CEP85: variants seen among roughly 807,000 people sequenced by gnomAD.
CEP85 encodes centrosomal protein of 85 kDa.
In CEP85, 58 loss-of-function variants were observed where a neutral mutation model predicts 93.7. The ratio of observed to expected loss-of-function variants is 0.62; its 90% CI spans 0.50 to 0.77. The LOEUF (loss-of-function observed/expected upper bound fraction) is 0.77. Ranked by LOEUF, CEP85 falls within the 30% of genes least tolerant of loss-of-function variation. The pLI is 0.00. For synonymous variants in CEP85, 314 were observed against 338.6 expected, an observed-to-expected ratio of 0.93 and a Z score of 0.80; for missense variants, 868 against 922.0, an observed-to-expected ratio of 0.94 and a Z score of 0.76.
At position 26,276,318 on chromosome 1, in the gene CEP85, A is replaced by C. The variant is rs868669815; in HGVS notation, c.1903-217A>C. On this transcript the variant is annotated intron_variant, in intron 12 of 13. Transcript: ENST00000451429. ...CCAGTTGAGGGTTGGCTTCCTCTCC[A>C]GTGCTAGAGCCCTGTGGGCCCAACC... 7.9e-5 allele frequency among the ~76,000 whole-genome samples: 12 copies of C among 152,208 alleles called. No individual in the cohort carries two copies. The South Asian group carries it at 1.4e-3, about 18-fold the overall frequency.
intron 12 of CEP85, 113 bp from the exon 13 acceptor site, chr1:26,276,422 A>G: frequency 1.3e-6 from 1 of 780,416 alleles, no homozygotes; most frequent in Non-Finnish European, 2.2e-6. Context: ...GGGTTGGGGA[A>G]GGAGGGACAC....
chr1:26,271,103 A>G lies in CEP85; in HGVS notation c.1739A>G (p.Gln580Arg). The change falls in exon 10 of 14, where the codon CAA becomes CGA. Residue 580 changes from glutamine (Q) to arginine (R), a missense_variant. Physicochemically the swap from Gln to Arg is conservative, Grantham distance 43 (BLOSUM62 1). Transcript: ENST00000451429. ...ESWQKRYDSL[Q>R]KIVEKQQQKM... ...TGGCAGAAGCGATACGATTCGCTCC[A>G]AAAGGTGACTGAGGGTGTCCAGGCT... is the stretch of plus-strand genomic sequence containing the variant. 6.2e-7 allele frequency: 1 copy of G among 1,603,628 alleles called. No homozygotes were observed. The highest frequency in any genetic ancestry group is 8.5e-7 in the Non-Finnish European group (1 of 1,170,578).
chr1:26,253,326 T>TC (rs981547189), intron 3 of CEP85, among the ~76,000 whole-genome samples: 2 of 151,854 alleles, frequency 1.3e-5, no homozygotes, highest in African/African-American at 4.8e-5. Context: ...TGTGTTACAT[T>TC]CCCCCCAACT....
chr1:26,243,644 T>C (rs1486963916), intron 2 of CEP85, among the ~76,000 whole-genome samples: 1 of 152,172 alleles, frequency 6.6e-6, no homozygotes, highest in Non-Finnish European at 1.5e-5. Context: ...ACTCCTGGAT[T>C]CTTCATGGGT....
chr1:26,255,437 G>A lies in CEP85; in HGVS notation c.475G>A (p.Gly159Arg). ...MYFSGATGENGIEQSWFPAVG... is the reference protein window; with the variant it reads ...MYFSGATGENRIEQSWFPAVG... ...TTTCTCTGGTGCTACTGGAGAAAAT[G>A]GAATTGAGCAGTCCTGGTTTCCAGC... Residue 159 changes from glycine to arginine, a missense_variant, in exon 4 of 14, where the codon GGA becomes AGA. Physicochemically the swap from Gly to Arg is moderately radical, Grantham distance 125 (BLOSUM62 -2). Transcript: ENST00000451429. 6.2e-7 allele frequency: 1 copy of A among 1,614,148 alleles called. No individual in the cohort carries two copies. Among genetic ancestry groups the A allele is most frequent in the Non-Finnish European group, 8.5e-7 (1 of 1,180,034 alleles).
Position 26,277,471 on chromosome 1 carries a change from T to C in CEP85, c.*178T>C, listed in dbSNP as rs1338391085. ...ACTGTGTCCTACCCACACTGGCATG[T>C]TGGATTACGTTTGTCCTGTTAATTC... is the stretch of plus-strand genomic sequence containing the variant. On this transcript the variant is annotated 3_prime_UTR_variant, in exon 14 of 14. Transcript: ENST00000451429. 3.4e-6 allele frequency: 2 copies of C among 579,832 alleles called. No individual in the cohort carries two copies. Among genetic ancestry groups the C allele is most frequent in the Non-Finnish European group, 6.2e-6 (2 of 320,274 alleles). The allele number at this position is 579,832 out of a possible 1,614,324, so 35.9% of individuals were successfully genotyped here. A position where few individuals can be genotyped will look rare whatever the true frequency, so the allele number is the denominator to read the frequency against.
intron 4 of CEP85, among the ~76,000 whole-genome samples, chr1:26,256,955 G>GTGTGTGTGTGT (rs747449589): frequency 6.7e-6 from 1 of 150,116 alleles, no homozygotes; most frequent in Non-Finnish European, 1.5e-5. Context: ...GTGTGTGTGT[G>GTGTGTGTGTGT]TTTTGGAGAC....
intron 7 of CEP85, among the ~76,000 whole-genome samples, chr1:26,260,830 A>G (rs930107683): frequency 2.7e-5 from 4 of 149,502 alleles, no homozygotes; most frequent in Admixed American, 1.3e-4. Flanking sequence ...TCGCTCTGGC[A>G]TCTGGGCTGG....
Position 26,271,041 on chromosome 1 carries a change from G to A in CEP85, c.1677G>A (p.Glu559=), listed in dbSNP as rs1231332939. 6.2e-7 allele frequency: 1 copy of A among 1,613,166 alleles called. No homozygotes were observed. Among genetic ancestry groups the A allele is most frequent in the Admixed American group, 1.7e-5 (1 of 60,018 alleles). The change falls in exon 10 of 14, where the codon GAG becomes GAA. Residue 559 remains glutamate, a synonymous_variant. Coordinates refer to ENST00000451429, the MANE Select transcript of CEP85 (RefSeq NM_001319944.2). ...TGCAAGATAAACAGTCTGTGGAGGA[G>A]ACCAGTGGAGAAGGTCCAGAAGTGG... The part of the protein sequence containing the change: ...HSLQDKQSVE[E]TSGEGPEVEM...
chr1:26,249,970 G>A (rs888526168), intron 3 of CEP85, among the ~76,000 whole-genome samples: 13 of 152,060 alleles, frequency 8.5e-5, no homozygotes, highest in Non-Finnish European at 1.9e-4. Flanking sequence ...CCATGAACTC[G>A]GTGGGGCTCA....
At chr1:26,251,406 C>G (rs1400145769) in intron 3 of CEP85, among the ~76,000 whole-genome samples, 2 of 152,052 alleles carry the variant, frequency 1.3e-5, no homozygotes, top group Non-Finnish European at 2.9e-5. Context: ...CATGCGTCAC[C>G]ACGCCCAGCT....
intron 2 of CEP85, among the ~76,000 whole-genome samples, chr1:26,243,919 C>G (rs1255579688): frequency 1.3e-5 from 2 of 149,016 alleles, no homozygotes; most frequent in African/African-American, 5.0e-5. Context: ...ATTGCTTGAA[C>G]CCAGGAGGTG....
In CEP85 at chr1:26,255,369, G is replaced by A; in HGVS notation, c.407G>A (p.Gly136Asp). ...GGAATGACAAGAAATGGAGACCTCG[G>A]TGCAATGAAACATTCTCCAGGCCTA... ...SVGMTRNGDLGAMKHSPGLSR... is the reference protein window; with the variant it reads ...SVGMTRNGDLDAMKHSPGLSR... Residue 136 changes from glycine (G) to aspartate (D), a missense_variant, in exon 4 of 14, where the codon GGT (glycine) becomes GAT (aspartate). Gly to Asp is a moderately conservative substitution (Grantham distance 94). Transcript: ENST00000451429. The A allele has an allele frequency of 6.2e-7, 1 of 1,614,082 alleles. No homozygotes were observed. Among genetic ancestry groups the A allele is most frequent in the East Asian group, 2.2e-5 (1 of 44,884 alleles).
At position 26,259,559 on chromosome 1, in the gene CEP85, A is replaced by G; in HGVS notation, c.1156-58A>G. On this transcript the variant is annotated intron_variant, in intron 6 of 13. Coordinates refer to ENST00000451429, the MANE Select transcript of CEP85 (RefSeq NM_001319944.2). ...ACCGTGAAGTATGCTGGGAATAAGT[A>G]AAGTACATGAGACTATAAGGGTAGA... 3 of 1,422,670 alleles carry G rather than the reference A, an allele frequency of 2.1e-6. No individual in the cohort carries two copies. The South Asian group carries it at 4.3e-5, about 20-fold the overall frequency. The allele number at this position is 1,422,670 out of a possible 1,614,324, so 88.1% of individuals were successfully genotyped here. A position where few individuals can be genotyped will look rare whatever the true frequency, so the allele number is the denominator to read the frequency against.
chr1:26,276,982 C>T (rs189358297), intron 13 of CEP85, 154 bp from the exon 14 acceptor site: 13 of 917,442 alleles, frequency 1.4e-5, no homozygotes, highest in South Asian at 1.3e-4. Context: ...AAAAGTGGAC[C>T]TTCAGCAGCA....
intron 6 of CEP85, 39 bp from the exon 7 acceptor site, chr1:26,259,578 G>A (rs911122350): frequency 3.3e-6 from 5 of 1,534,300 alleles, no homozygotes; most frequent in African/African-American, 1.4e-5. Context: ...GAGACTATAA[G>A]GGTAGAGAAC....
At chr1:26,269,676 C>T (rs2089945108) in intron 9 of CEP85, 62 bp downstream of exon 9, 2 of 1,332,178 alleles carry the variant, frequency 1.5e-6, no homozygotes, top group African/African-American at 1.5e-5. Flanking sequence ...AGCCATCCTG[C>T]TCACTTACCT....
chr1:26,241,487 G>A (rs1227528638), intron 2 of CEP85, among the ~76,000 whole-genome samples: 1 of 151,964 alleles, frequency 6.6e-6, no homozygotes, highest in Non-Finnish European at 1.5e-5. Flanking sequence ...CTTGTGATCT[G>A]CCCGCCTGGG....
At chr1:26,257,487 C>T (rs1443692117) in intron 4 of CEP85, 110 bp from the exon 5 acceptor site, 2 of 1,311,830 alleles carry the variant, frequency 1.5e-6, no homozygotes, top group African/African-American at 1.5e-5. Flanking sequence ...TGGGCCTCAT[C>T]AGGCTGAGCC....
Sources: allele counts gnomAD v4.1 joint callset (sites outside exome capture counted in the v4.1 genomes callset), GRCh38; gene constraint gnomAD v4.1.1; transcripts MANE v1.5; gene names NCBI Gene and HGNC (gene_info 2026-07-23, HGNC 2026-07-21).